The following TYW1B variants were observed in gnomAD, a reference collection of about 807,000 sequenced individuals.
TYW1B encodes S-adenosyl-L-methionine-dependent tRNA 4-demethylwyosine synthase TYW1B.
In TYW1B, 73 loss-of-function variants were observed where a neutral mutation model predicts 86.9. That is an observed-to-expected ratio of 0.84 (90% CI 0.70 to 1.02). The LOEUF (loss-of-function observed/expected upper bound fraction) is 1.02, where lower values mean the gene tolerates loss of function less well. Ranked by LOEUF, TYW1B falls within the 50% of genes least tolerant of loss-of-function variation. The probability of loss-of-function intolerance (pLI) is 0.00; values close to 1 mark genes in which losing one functional copy is unlikely to be tolerated. For missense variants in TYW1B, 637 were observed against 827.4 expected, an observed-to-expected ratio of 0.77 and a Z score of 2.82; for synonymous variants, 248 against 292.8, an observed-to-expected ratio of 0.85 and a Z score of 1.56.
chr7:72,735,163 T>G (rs563868001), intron 8 of TYW1B, among the ~76,000 whole-genome samples: 20 of 152,340 alleles, frequency 1.3e-4, no homozygotes, highest in South Asian at 1.2e-3. Flanking sequence ...TCATGCTTAT[T>G]GCAGCACTAT....
intron 2 of TYW1B, among the ~76,000 whole-genome samples, chr7:72,819,178 G>GT (rs1435622511): frequency 2.0e-5 from 3 of 152,080 alleles, no homozygotes; most frequent in African/African-American, 7.2e-5. Context: ...AGGAGATGGG[G>GT]TAAGAGAGTT....
rs557810941 is a variant in TYW1B, at chr7:72,622,853, G to A, written c.1618-6014C>T. Among the ~76,000 whole-genome samples, 16 of 151,870 alleles carry A rather than the reference G, an allele frequency of 1.1e-4. No individual in the cohort carries two copies. The South Asian group carries it at 1.9e-3, about 18-fold the overall frequency. On this transcript the variant is annotated intron_variant, in intron 12 of 13. Transcript: ENST00000620995. ...CAAACACACCACACAAACACACCAC[G>A]CACTCACACATGTCAGGGAGAAAAG... is the stretch of plus-strand genomic sequence containing the variant.
chr7:72,798,026 C>T (rs1487769238), intron 6 of TYW1B, among the ~76,000 whole-genome samples: 1 of 115,098 alleles, frequency 8.7e-6, no homozygotes, highest in African/African-American at 3.1e-5. Flanking sequence ...CACACACACA[C>T]ACACACACAC....
At chr7:72,753,638 G>T (rs1787538558) in intron 7 of TYW1B, among the ~76,000 whole-genome samples, 1 of 151,760 alleles carries the variant, frequency 6.6e-6, no homozygotes, top group Admixed American at 6.6e-5. Flanking sequence ...GTGCCACCAC[G>T]CCTGGCTAAT....
chr7:72,793,385 A>G (rs1210240858), intron 6 of TYW1B, among the ~76,000 whole-genome samples: 5 of 152,056 alleles, frequency 3.3e-5, no homozygotes, highest in African/African-American at 1.2e-4. Flanking sequence ...ATGAAACTAC[A>G]AAGAGAGGAT....
chr7:72,613,337 T>C (rs1218377675), intron 13 of TYW1B, among the ~76,000 whole-genome samples: 4 of 151,876 alleles, frequency 2.6e-5, no homozygotes, highest in African/African-American at 9.7e-5. Context: ...ACAGAGGCTG[T>C]ATGTGCCTTG....
chr7:72,629,539 T>G (rs1563037257), intron 11 of TYW1B, among the ~76,000 whole-genome samples: 2 of 152,144 alleles, frequency 1.3e-5, no homozygotes, highest in African/African-American at 4.8e-5. Flanking sequence ...GGACTGGCTT[T>G]CTTTCTTTTC....
intron 11 of TYW1B, among the ~76,000 whole-genome samples, chr7:72,637,493 A>G (rs1387949273): frequency 6.6e-6 from 1 of 151,970 alleles, no homozygotes; most frequent in Non-Finnish European, 1.5e-5. Context: ...TTCATTTCTA[A>G]CATTACTTAT....
At chr7:72,686,665 G>A (rs1172924856) in intron 11 of TYW1B, among the ~76,000 whole-genome samples, 3 of 152,150 alleles carry the variant, frequency 2.0e-5, no homozygotes, top group Admixed American at 1.3e-4. Context: ...CCCACAGAAT[G>A]TACAACCACA....
chr7:72,789,634 G>A (rs1483218782), intron 6 of TYW1B, among the ~76,000 whole-genome samples: 2 of 152,018 alleles, frequency 1.3e-5, no homozygotes, highest in African/African-American at 4.8e-5. Context: ...ATTCATCACA[G>A]TATTTTTTTA....
At chr7:72,745,344 T>C (rs560443281) in intron 7 of TYW1B, among the ~76,000 whole-genome samples, 3 of 152,228 alleles carry the variant, frequency 2.0e-5, no homozygotes, top group East Asian at 3.9e-4. Context: ...CATACATATT[T>C]GAGACACTGT....
intron 13 of TYW1B, among the ~76,000 whole-genome samples, chr7:72,587,440 T>A (rs1435566699): frequency 1.3e-5 from 2 of 152,024 alleles, no homozygotes; most frequent in Non-Finnish European, 2.9e-5. Context: ...TAAGGACAAC[T>A]TGGTGGGTGG....
intron 7 of TYW1B, among the ~76,000 whole-genome samples, chr7:72,769,998 T>C (rs1350176019): frequency 8.6e-5 from 13 of 151,458 alleles, no homozygotes; most frequent in Non-Finnish European, 1.6e-4. Context: ...GATAATCACT[T>C]GAACCCGAGA....
At chr7:72,793,933 C>A (rs538717654) in intron 6 of TYW1B, among the ~76,000 whole-genome samples, 1 of 152,156 alleles carries the variant, frequency 6.6e-6, no homozygotes, top group African/African-American at 2.4e-5. Context: ...TACCTCTAGC[C>A]CCACAAGAAA....
Position 72,802,329 on chromosome 7 carries a change from C to A in TYW1B, c.846+71G>T, listed in dbSNP as rs1327892498. On this transcript the variant is annotated intron_variant, in intron 6 of 13. Transcript: ENST00000620995. The stretch of plus-strand genomic sequence containing the variant: ...CCTCTGTGAGCTCAGATGGACTACA[C>A]AGTAATAAAGAAATACTAAATGTTA... 5.0e-6 allele frequency: 8 copies of A among 1,586,598 alleles called. No individual in the cohort carries two copies. In the African/African-American group the frequency reaches 1.1e-4, roughly 21 times the overall value.
At chr7:72,598,906 T>C (rs1158017429) in intron 13 of TYW1B, among the ~76,000 whole-genome samples, 3 of 152,144 alleles carry the variant, frequency 2.0e-5, no homozygotes, top group Admixed American at 6.5e-5. Context: ...AGTGGCCTGA[T>C]AGTTTCCTAG....
At chr7:72,755,736 G>A (rs1249159055) in intron 7 of TYW1B, among the ~76,000 whole-genome samples, 1 of 152,188 alleles carries the variant, frequency 6.6e-6, no homozygotes, top group Admixed American at 6.5e-5. Context: ...GAAAAGGAGT[G>A]AAAAACAGGA....
At chr7:72,746,070 G>A (rs1787389434) in intron 7 of TYW1B, among the ~76,000 whole-genome samples, 1 of 151,842 alleles carries the variant, frequency 6.6e-6, no homozygotes, top group African/African-American at 2.4e-5. Flanking sequence ...TGCCATATTG[G>A]TCAGGCTGGT....
intron 10 of TYW1B, among the ~76,000 whole-genome samples, chr7:72,697,076 G>T (rs1216409546): frequency 1.4e-5 from 2 of 147,456 alleles, no homozygotes; most frequent in Non-Finnish European, 3.0e-5. Context: ...TGTCTTAATG[G>T]TTACTGCTGG....
Sources: allele counts gnomAD v4.1 joint callset (sites outside exome capture counted in the v4.1 genomes callset), GRCh38; gene constraint gnomAD v4.1.1; transcripts MANE v1.5; gene names NCBI Gene and HGNC (gene_info 2026-07-23, HGNC 2026-07-21).